NRXN3: variants seen among roughly 807,000 people sequenced by gnomAD.
NRXN3 encodes the protein neurexin III.
Under a neutral mutation model 137.6 loss-of-function variants are expected in NRXN3, and 32 were observed. The ratio of observed to expected loss-of-function variants is 0.23; its 90% CI spans 0.18 to 0.31. NRXN3 has a LOEUF of 0.31. Among genes scored for constraint, NRXN3 ranks in the 10% least tolerant of loss-of-function variants. The pLI is 1.00. For missense variants in NRXN3, 1,574 were observed against 2,062.5 expected (o/e 0.76, Z 4.59); for synonymous variants, 798 against 784.5 (o/e 1.02, Z -0.29).
chr14:79,731,623 A>C (rs1330900764), intron 19 of NRXN3, among the ~76,000 whole-genome samples: 2 of 126,524 alleles, frequency 1.6e-5, no homozygotes, highest in South Asian at 4.6e-4. Context: ...TCTCCAAATG[A>C]CCTATTTTTT....
intron 8 of NRXN3, among the ~76,000 whole-genome samples, chr14:78,801,970 G>T (rs1368184551): frequency 6.6e-6 from 1 of 152,162 alleles, no homozygotes; most frequent in Non-Finnish European, 1.5e-5. Flanking sequence ...TTTAGAACAG[G>T]GACCTTGTCT....
At chr14:79,525,556 C>A (rs1385006820) in intron 16 of NRXN3, among the ~76,000 whole-genome samples, 1 of 152,160 alleles carries the variant, frequency 6.6e-6, no homozygotes, top group Non-Finnish European at 1.5e-5. Flanking sequence ...AACTATTCCC[C>A]ACAAATGAAT....
At chr14:78,547,721 G>A (rs2096650111) in intron 4 of NRXN3, among the ~76,000 whole-genome samples, 1 of 151,452 alleles carries the variant, frequency 6.6e-6, no homozygotes, top group East Asian at 1.9e-4. Context: ...ATATTTTAAA[G>A]CTTTTGCTGA....
At chr14:78,296,060 C>CT (rs1204627546) in intron 3 of NRXN3, among the ~76,000 whole-genome samples, 3,709 of 130,148 alleles carry the variant, frequency 0.028, 126 homozygotes, top group African/African-American at 0.075. Flanking sequence ...CTCTCTCTGT[C>CT]TTTTTTTTTT....
chr14:79,511,541 G>A (rs2096932495), intron 16 of NRXN3, among the ~76,000 whole-genome samples: 1 of 152,190 alleles, frequency 6.6e-6, no homozygotes. Context: ...AAGCTATTCA[G>A]CCTAGATTTT....
At chr14:79,382,678 G>C (rs570775807) in intron 15 of NRXN3, among the ~76,000 whole-genome samples, 8 of 152,174 alleles carry the variant, frequency 5.3e-5, no homozygotes, top group African/African-American at 1.9e-4. Flanking sequence ...AAGATACAAA[G>C]AGACTAGGGA....
At chr14:78,844,113 C>T (rs1326481643) in intron 10 of NRXN3, among the ~76,000 whole-genome samples, 1 of 152,082 alleles carries the variant, frequency 6.6e-6, no homozygotes. Context: ...CTTGTCTCTT[C>T]CAGTTTCAGG....
At chr14:79,327,494 G>T (rs1315650846) in intron 15 of NRXN3, among the ~76,000 whole-genome samples, 3 of 152,076 alleles carry the variant, frequency 2.0e-5, no homozygotes, top group Non-Finnish European at 4.4e-5. Context: ...GCGGAAATAA[G>T]GGGAGGGCCC....
intron 4 of NRXN3, among the ~76,000 whole-genome samples, chr14:78,329,907 A>G (rs1226565716): frequency 1.3e-5 from 2 of 152,170 alleles, no homozygotes; most frequent in African/African-American, 2.4e-5. Context: ...ACAAGAAGGA[A>G]CACTGATAGT....
chr14:78,433,362 G>T (rs2093957074), intron 4 of NRXN3, among the ~76,000 whole-genome samples: 2 of 152,126 alleles, frequency 1.3e-5, no homozygotes. Context: ...AAAGGCTCAT[G>T]TGATTCTATT....
chr14:79,163,205 A>G (rs1188640171), intron 15 of NRXN3, among the ~76,000 whole-genome samples: 3 of 151,966 alleles, frequency 2.0e-5, no homozygotes, highest in Non-Finnish European at 4.4e-5. Flanking sequence ...GAGCAATTAT[A>G]GTCTATGCTC....
intron 15 of NRXN3, among the ~76,000 whole-genome samples, chr14:79,218,900 A>G (rs752975850): frequency 1.5e-4 from 23 of 152,184 alleles, no homozygotes; most frequent in Admixed American, 2.6e-4. Context: ...GTGCTAAATT[A>G]TCTAATTTTA....
chr14:78,252,047 A>G (rs938666205), intron 2 of NRXN3, among the ~76,000 whole-genome samples: 2 of 152,150 alleles, frequency 1.3e-5, no homozygotes, highest in Non-Finnish European at 2.9e-5. Flanking sequence ...TGAGTGATCT[A>G]TTTAAAAACA....
intron 15 of NRXN3, among the ~76,000 whole-genome samples, chr14:79,389,833 G>C (rs187931585): frequency 5.3e-5 from 8 of 152,282 alleles, no homozygotes; most frequent in African/African-American, 1.7e-4. Context: ...TAGTACTAGT[G>C]AAAGTCAGGT....
chr14:79,849,764 G>A (rs1318366575), intron 20 of NRXN3, among the ~76,000 whole-genome samples: 2 of 152,070 alleles, frequency 1.3e-5, no homozygotes, highest in Non-Finnish European at 2.9e-5. Context: ...TATACCCAAG[G>A]GAAAGGAAAT....
intron 16 of NRXN3, among the ~76,000 whole-genome samples, chr14:79,469,066 C>G (rs145293000): frequency 6.6e-6 from 1 of 152,312 alleles, no homozygotes; most frequent in Non-Finnish European, 1.5e-5. Context: ...AACTTAATGA[C>G]TATTTCATGG....
Position 79,861,806 on chromosome 14 carries a change from T to C in NRXN3, c.4558T>C (p.Tyr1520His). Residue 1520 changes from tyrosine (Y) to histidine (H), a missense_variant, in exon 21 of 21, where the codon TAC becomes CAC. Tyr to His is a moderately conservative substitution (Grantham distance 83). Around this residue, in one of 5 missense-constraint regions of NRXN3, gnomAD observed 320 missense variants for 387.1 expected, o/e 0.83. Transcript: ENST00000335750. The surrounding 1 kb of genome is among the most constrained non-coding windows in gnomAD (Gnocchi z 5.4). ...ILILLYAMYK[Y>H]RNRDEGSYQV... is the part of the protein sequence containing the mutation. Reference sequence around the variant, plus strand: ...GATCCTCCTGTACGCCATGTACAAGTACAGGAACAGGGACGAGGGGTCCTA... The same window carrying C: ...GATCCTCCTGTACGCCATGTACAAGCACAGGAACAGGGACGAGGGGTCCTA... The C allele has an allele frequency of 6.2e-7, 1 of 1,613,892 alleles. No individual in the cohort carries two copies.
rs4903873 is a variant in NRXN3 at position 79,740,646 on chromosome 14, A to G, written c.4014+42709A>G. ...ATTTACAACTTTTGCATCTCTTCTG[A>G]TTTCTATCCTCTGCTAATGACACTT... is the stretch of plus-strand genomic sequence containing the variant. On this transcript the variant is annotated intron_variant, in intron 19 of 20. Transcript: ENST00000335750. Among the ~76,000 whole-genome samples, 3 of 137,654 alleles carry G rather than the reference A, an allele frequency of 2.2e-5. No homozygotes were observed. The East Asian group carries it at 6.5e-4, about 30-fold the overall frequency. 90.3% of individuals were successfully genotyped at this position (137,654 alleles called of 152,430 possible). A position where few individuals can be genotyped will look rare whatever the true frequency, so the allele number is the denominator to read the frequency against.
chr14:79,118,333 T>C (rs946300365), intron 15 of NRXN3, among the ~76,000 whole-genome samples: 1 of 152,214 alleles, frequency 6.6e-6, no homozygotes, highest in African/African-American at 2.4e-5. Context: ...TCTGGGCACA[T>C]AGTAGGGCTG....
Sources: gnomAD v4.1 joint callset for allele counts (sites outside exome capture counted in the v4.1 genomes callset) on GRCh38, gnomAD v4.1.1 for gene constraint, gnomAD v4.1.1 regional missense constraint, Gnocchi (gnomAD v3.1) non-coding constraint, MANE v1.5 for transcripts, NCBI Gene and HGNC (gene_info 2026-07-23, HGNC 2026-07-21) for gene names.